The following CSMD1 variants were observed in gnomAD, a reference collection of about 807,000 sequenced individuals.
CSMD1 encodes the protein CUB and sushi domain-containing protein 1.
Under a neutral mutation model 417.5 loss-of-function variants are expected in CSMD1, and 213 were observed. That is an observed-to-expected ratio of 0.51 (90% CI 0.46 to 0.57). The LOEUF (loss-of-function observed/expected upper bound fraction) is 0.57, where lower values mean the gene tolerates loss of function less well. Ranked by LOEUF, CSMD1 falls within the 20% of genes least tolerant of loss-of-function variation. The pLI is 0.00. For synonymous variants in CSMD1, 2,862 were observed against 1,736.8 expected, an observed-to-expected ratio of 1.65 and a Z score of -16.11; for missense variants, 6,923 against 4,529.7, an observed-to-expected ratio of 1.53 and a Z score of -15.17.
intron 26 of CSMD1, among the ~76,000 whole-genome samples, chr8:3,283,287 G>A (rs971909571): frequency 6.6e-6 from 1 of 152,134 alleles, no homozygotes; most frequent in African/African-American, 2.4e-5. Flanking sequence ...ATTACATAAA[G>A]AAAGTGTCAG....
intron 2 of CSMD1, among the ~76,000 whole-genome samples, chr8:4,517,724 C>T (rs1408384504): frequency 2.6e-5 from 4 of 152,104 alleles, no homozygotes; most frequent in East Asian, 1.9e-4. Flanking sequence ...TTAAATAACT[C>T]GTTTATCAAA....
At chr8:4,832,190 C>A (rs1394792749) in intron 1 of CSMD1, among the ~76,000 whole-genome samples, 3 of 152,124 alleles carry the variant, frequency 2.0e-5, no homozygotes, top group African/African-American at 7.2e-5. Flanking sequence ...GCATGGAACG[C>A]CCTGAGTGTG....
chr8:4,694,603 C>G (rs1057188041), intron 1 of CSMD1, among the ~76,000 whole-genome samples: 9 of 151,872 alleles, frequency 5.9e-5, no homozygotes, highest in Non-Finnish European at 1.2e-4. Flanking sequence ...GACCTCATGA[C>G]CTGCCCACCT....
chr8:4,704,888 G>C (rs1436298992), intron 1 of CSMD1, among the ~76,000 whole-genome samples: 2 of 152,122 alleles, frequency 1.3e-5, no homozygotes, highest in Admixed American at 6.6e-5. Flanking sequence ...CTATGGTAAA[G>C]AAAACTGCTT....
chr8:3,825,981 G>A (rs1164537907), intron 5 of CSMD1, among the ~76,000 whole-genome samples: 2 of 152,176 alleles, frequency 1.3e-5, no homozygotes, highest in Admixed American at 6.5e-5. Flanking sequence ...GCTTTCAGCA[G>A]GATCGTATTC....
At chr8:3,063,245 G>T (rs555072366) in intron 49 of CSMD1, among the ~76,000 whole-genome samples, 1 of 152,280 alleles carries the variant, frequency 6.6e-6, no homozygotes, top group Admixed American at 6.5e-5. Flanking sequence ...AAGCCCAGAA[G>T]CACATGTTGT....
At chr8:4,003,935 G>C (rs1046545814) in intron 4 of CSMD1, among the ~76,000 whole-genome samples, 3 of 129,240 alleles carry the variant, frequency 2.3e-5, no homozygotes, top group South Asian at 2.6e-4. Flanking sequence ...CATTTTTTTA[G>C]AAAACAGAAC....
At chr8:4,420,336 T>G (rs1797176721) in intron 2 of CSMD1, among the ~76,000 whole-genome samples, 2 of 152,078 alleles carry the variant, frequency 1.3e-5, no homozygotes. Context: ...TAAATGCTCC[T>G]CGTTTTTGGA....
At position 4,138,119 on chromosome 8, in the gene CSMD1, G is replaced by C. The variant is rs1476044330; in HGVS notation, c.416-106020C>G. On this transcript the variant is annotated intron_variant, in intron 3 of 69. Coordinates refer to ENST00000635120, the MANE Select transcript of CSMD1 (RefSeq NM_033225.6). ...TTTAGTAGAGACGCGGTTTCACCGT[G>C]TTACCCAGGATGGTCTCAATCTCCT... Among the ~76,000 whole-genome samples the C allele has an allele frequency of 2.5e-5, 3 of 119,866 alleles. No individual in the cohort carries two copies. The Admixed American group carries it at 3.5e-4, about 14-fold the overall frequency. The allele number at this position is 119,866 out of a possible 152,430, so 78.6% of individuals were successfully genotyped here. A position where few individuals can be genotyped will look rare whatever the true frequency, so the allele number is the denominator to read the frequency against.
intron 3 of CSMD1, among the ~76,000 whole-genome samples, chr8:4,034,438 T>C (rs1406671368): frequency 6.6e-6 from 1 of 152,238 alleles, no homozygotes; most frequent in South Asian, 2.1e-4. Context: ...ATCATTTTTG[T>C]CTTTTTTAAT....
At chr8:3,452,564 A>G (rs1273482328) in intron 12 of CSMD1, among the ~76,000 whole-genome samples, 1 of 152,162 alleles carries the variant, frequency 6.6e-6, no homozygotes, top group Admixed American at 6.5e-5. Flanking sequence ...TTCTGCATCT[A>G]TTGAGATAAT....
rs377303893 is a variant in CSMD1 at position 2,960,321 on chromosome 8, A to C, written c.9702+820T>G. 3.3e-5 allele frequency among the ~76,000 whole-genome samples: 5 copies of C among 152,368 alleles called. No individual in the cohort carries two copies. The South Asian group carries it at 6.2e-4, about 19-fold the overall frequency. ...TGGGATGCAAGAGAGCTACAAGGAA[A>C]TGGCCACTCTGTGTCCGAGCGAGAA... On this transcript the variant is annotated intron_variant, in intron 62 of 69. Transcript: ENST00000635120.
At chr8:3,498,116 T>C (rs1025316962) in intron 10 of CSMD1, among the ~76,000 whole-genome samples, 4 of 152,230 alleles carry the variant, frequency 2.6e-5, no homozygotes, top group African/African-American at 9.6e-5. Flanking sequence ...AGCATTTTCA[T>C]TATATCACCC....
At chr8:4,224,985 A>C (rs1175038941) in intron 3 of CSMD1, among the ~76,000 whole-genome samples, 1 of 152,126 alleles carries the variant, frequency 6.6e-6, no homozygotes, top group Non-Finnish European at 1.5e-5. Flanking sequence ...GGTGCCGTGC[A>C]CCTGAAATCC....
intron 1 of CSMD1, among the ~76,000 whole-genome samples, chr8:4,829,851 G>C (rs536966174): frequency 2.0e-5 from 3 of 152,150 alleles, no homozygotes; most frequent in Non-Finnish European, 2.9e-5. Flanking sequence ...TTGGGGACAA[G>C]GGGCTGGTCA....
At chr8:3,433,712 T>C (rs1418032292) in intron 12 of CSMD1, among the ~76,000 whole-genome samples, 2 of 152,190 alleles carry the variant, frequency 1.3e-5, no homozygotes, top group African/African-American at 4.8e-5. Context: ...CAACCCCATA[T>C]TCTTATTTTC....
intron 7 of CSMD1, among the ~76,000 whole-genome samples, chr8:3,656,640 G>C (rs1397320227): frequency 6.6e-6 from 1 of 152,028 alleles, no homozygotes; most frequent in African/African-American, 2.4e-5. Flanking sequence ...TATTACAAAG[G>C]CTTTAGGCCA....
intron 3 of CSMD1, among the ~76,000 whole-genome samples, chr8:4,367,721 C>T (rs995830596): frequency 5.9e-5 from 9 of 152,144 alleles, no homozygotes; most frequent in Non-Finnish European, 1.0e-4. Flanking sequence ...CTGTTTCTGT[C>T]ATCTCTGATT....
intron 3 of CSMD1, among the ~76,000 whole-genome samples, chr8:4,124,101 G>A (rs1166916455): frequency 6.6e-6 from 1 of 151,938 alleles, no homozygotes; most frequent in Non-Finnish European, 1.5e-5. Flanking sequence ...AAAAAAAAGA[G>A]AAAGAAAAAC....
Sources: allele counts gnomAD v4.1 joint callset (sites outside exome capture counted in the v4.1 genomes callset), GRCh38; gene constraint gnomAD v4.1.1; transcripts MANE v1.5; gene names NCBI Gene and HGNC (gene_info 2026-07-23, HGNC 2026-07-21).